Variants in BCAS4 observed in about 807,000 individuals in gnomAD.
BCAS4 encodes breast carcinoma amplified sequence 4.
In BCAS4, 9 loss-of-function variants were observed where a neutral mutation model predicts 15.7. That is an observed-to-expected ratio of 0.57 (90% confidence interval 0.34 to 1.00). The LOEUF (loss-of-function observed/expected upper bound fraction) is 1.00. Ranked by LOEUF, BCAS4 falls within the 50% of genes least tolerant of loss-of-function variation. The probability of loss-of-function intolerance (pLI) is 0.02; values close to 1 mark genes in which losing one functional copy is unlikely to be tolerated. For synonymous variants in BCAS4, 101 were observed against 99.5 expected, an observed-to-expected ratio of 1.02 and a Z score of -0.09; for missense variants, 225 against 239.1, an observed-to-expected ratio of 0.94 and a Z score of 0.39.
intron 3 of BCAS4, among the ~76,000 whole-genome samples, chr20:50,840,203 T>C (rs140875775): frequency 5.8e-4 from 89 of 152,252 alleles, no homozygotes; most frequent in Middle Eastern, 6.8e-3. Flanking sequence ...TTATTTTAAT[T>C]TTATTTATTT....
At chr20:50,808,649 A>G (rs972365212) in intron 1 of BCAS4, among the ~76,000 whole-genome samples, 15 of 152,028 alleles carry the variant, frequency 9.9e-5, no homozygotes, top group African/African-American at 3.1e-4. Context: ...GGCCACTTGT[A>G]TATCTTGTTT....
At chr20:50,860,451 C>A (rs1026200096) in intron 4 of BCAS4, among the ~76,000 whole-genome samples, 1 of 152,250 alleles carries the variant, frequency 6.6e-6, no homozygotes, top group Non-Finnish European at 1.5e-5. Flanking sequence ...TACCACTCAT[C>A]TGCCCTCCAT....
intron 1 of BCAS4, among the ~76,000 whole-genome samples, chr20:50,808,279 G>A (rs544634003): frequency 4.6e-5 from 7 of 152,238 alleles, no homozygotes; most frequent in African/African-American, 1.2e-4. Context: ...TTTTGCAATT[G>A]CTAATTGTGC....
At chr20:50,857,091 C>G (rs950991759) in intron 4 of BCAS4, among the ~76,000 whole-genome samples, 1 of 152,198 alleles carries the variant, frequency 6.6e-6, no homozygotes, top group Non-Finnish European at 1.5e-5. Context: ...ATTCAGGGAG[C>G]CCTGTTCAGA....
intron 2 of BCAS4, among the ~76,000 whole-genome samples, chr20:50,822,362 G>A (rs1488591508): frequency 6.6e-6 from 1 of 152,208 alleles, no homozygotes; most frequent in Admixed American, 6.5e-5. Context: ...AATCAGGGGA[G>A]AGAAACTGTA....
At chr20:50,803,217 C>G (rs1329033549) in intron 1 of BCAS4, among the ~76,000 whole-genome samples, 3 of 152,152 alleles carry the variant, frequency 2.0e-5, no homozygotes, top group Admixed American at 1.3e-4. Context: ...AGAAATAGCC[C>G]AGTGCCCATC....
intron 4 of BCAS4, among the ~76,000 whole-genome samples, chr20:50,853,670 T>G: frequency 6.9e-6 from 1 of 145,822 alleles, no homozygotes; most frequent in African/African-American, 2.5e-5. Flanking sequence ...GTGGGGACCA[T>G]TTTGTGTACT....
intron 3 of BCAS4, among the ~76,000 whole-genome samples, chr20:50,833,300 C>A (rs1051575048): frequency 2.0e-5 from 3 of 152,180 alleles, no homozygotes; most frequent in East Asian, 3.9e-4. Context: ...CCCTTGCCAT[C>A]CAAGGTCAGG....
At chr20:50,873,379 C>A (rs1259999385) in intron 4 of BCAS4, among the ~76,000 whole-genome samples, 1 of 152,198 alleles carries the variant, frequency 6.6e-6, no homozygotes. Context: ...GGTCACTGAC[C>A]CTTGCCTGGG....
chr20:50,804,283 C>T (rs1035174856), intron 1 of BCAS4, among the ~76,000 whole-genome samples: 2 of 152,198 alleles, frequency 1.3e-5, no homozygotes, highest in Non-Finnish European at 2.9e-5. Flanking sequence ...CAGTGATCTG[C>T]CCGCCTGGGC....
chr20:50,866,536 G>A (rs758431586), intron 4 of BCAS4, among the ~76,000 whole-genome samples: 27 of 152,234 alleles, frequency 1.8e-4, no homozygotes, highest in Non-Finnish European at 3.7e-4. Context: ...GAACATCCCA[G>A]TTCTTCACTG....
upstream of BCAS4, chr20:50,795,041 G>A (rs1291492639): frequency 2.1e-6 from 3 of 1,444,590 alleles, no homozygotes; most frequent in Non-Finnish European, 2.7e-6. Flanking sequence ...GCAACCACGG[G>A]CTCCCAGGCA....
intron 1 of BCAS4, among the ~76,000 whole-genome samples, chr20:50,812,898 C>T (rs2088089091): frequency 6.6e-6 from 1 of 152,162 alleles, no homozygotes; most frequent in South Asian, 2.1e-4. Flanking sequence ...TCACAGCAGC[C>T]TTGATCTTCT....
intron 1 of BCAS4, among the ~76,000 whole-genome samples, chr20:50,808,133 C>G (rs925155592): frequency 1.3e-5 from 2 of 151,964 alleles, no homozygotes; most frequent in East Asian, 3.9e-4. Flanking sequence ...AGGATGGTCT[C>G]GATCTCCTGA....
In BCAS4 at chr20:50,823,066, G is replaced by A. The variant is rs139809246; in HGVS notation, c.162+4784G>A. ...TTCATAGAAGCCTTATTCGCCAGGC[G>A]TGGTAGCTCACGCCTGTAATCCCAG... On this transcript the variant is annotated intron_variant, in intron 2 of 4. Transcript: ENST00000371608. Among the ~76,000 whole-genome samples the A allele has an allele frequency of 3.8e-3, 583 of 152,078 alleles. 1 individual carries two copies. The highest frequency in any genetic ancestry group is 9.4e-3 in the Admixed American group (144 of 15,268).
chr20:50,834,420 C>T (rs1398354368), intron 3 of BCAS4, among the ~76,000 whole-genome samples: 3 of 151,184 alleles, frequency 2.0e-5, no homozygotes, highest in Non-Finnish European at 4.4e-5. Flanking sequence ...CTCAGCCTCC[C>T]GAGTAGCTGG....
Position 50,817,239 on chromosome 20 carries a change from T to C in BCAS4, c.91-972T>C, listed in dbSNP as rs16995497. Among the ~76,000 whole-genome samples, 1,216 of 152,208 alleles carry C rather than the reference T, an allele frequency of 8.0e-3. 14 individuals are homozygous for C. The highest frequency in any genetic ancestry group is 0.028 in the African/African-American group (1,174 of 41,532). ...AGGCATAAGCCACTGCTCCCGGCCA[T>C]GGACCCTTTACATAACATAAAAAAT... is the stretch of plus-strand genomic sequence containing the variant. On this transcript the variant is annotated intron_variant, in intron 1 of 4. Transcript: ENST00000371608.
intron 4 of BCAS4, among the ~76,000 whole-genome samples, chr20:50,872,263 C>CAAAAAA (rs71192504): frequency 4.8e-4 from 30 of 62,728 alleles, no homozygotes; most frequent in Middle Eastern, 0.016. Context: ...GACTCTGTCT[C>CAAAAAA]AAAAAAAAAA....
chr20:50,854,311 G>C (rs145390219), intron 4 of BCAS4, among the ~76,000 whole-genome samples: 7 of 152,068 alleles, frequency 4.6e-5, no homozygotes, highest in Admixed American at 4.6e-4. Flanking sequence ...GGATTTGAAC[G>C]TGCATGATTT....
Sources: gnomAD v4.1 joint callset for allele counts (sites outside exome capture counted in the v4.1 genomes callset) on GRCh38, gnomAD v4.1.1 for gene constraint, MANE v1.5 for transcripts, NCBI Gene and HGNC (gene_info 2026-07-23, HGNC 2026-07-21) for gene names.